SRGAP3: variants seen among roughly 807,000 people sequenced by gnomAD.
SRGAP3 encodes the protein SLIT-ROBO Rho GTPase activating protein 3.
A neutral mutation model predicts 121.1 loss-of-function variants in SRGAP3; 39 were observed. The observed-to-expected ratio is 0.32, with a 90% CI of 0.25 to 0.42. The LOEUF (loss-of-function observed/expected upper bound fraction) is 0.42, where lower values mean the gene tolerates loss of function less well. Ranked by LOEUF, SRGAP3 falls within the 10% of genes least tolerant of loss-of-function variation. The probability of loss-of-function intolerance (pLI) is 1.00; values close to 1 mark genes in which losing one functional copy is unlikely to be tolerated. For synonymous variants in SRGAP3, 601 were observed against 570.0 expected (o/e 1.05, Z -0.77); for missense variants, 1,213 against 1,470.6 (o/e 0.82, Z 2.86).
chr3:9,056,829 T>C (rs921156460), intron 7 of SRGAP3, among the ~76,000 whole-genome samples: 5 of 152,172 alleles, frequency 3.3e-5, no homozygotes, highest in South Asian at 2.1e-4. Flanking sequence ...CCCCCAGCAA[T>C]TGACTGGGCC....
In SRGAP3 at chr3:9,015,456, G is replaced by C. The variant is rs529635579; in HGVS notation, c.1813+141C>G. 4.0e-5 allele frequency: 44 copies of C among 1,102,580 alleles called. No individual in the cohort carries two copies. The African/African-American group carries it at 4.5e-4, about 11-fold the overall frequency. 68.3% of individuals were successfully genotyped at this position (1,102,580 alleles called of 1,614,324 possible). A position where few individuals can be genotyped will look rare whatever the true frequency, so the allele number is the denominator to read the frequency against. On this transcript the variant is annotated intron_variant, in intron 15 of 21. Coordinates refer to ENST00000383836, the MANE Select transcript of SRGAP3 (RefSeq NM_014850.4). ...CATTATAAACCATCTTGTTATTTCCGCTTTCAGTTCTACGAGGATGCACGT... is the reference window on the plus strand; with the variant it reads ...CATTATAAACCATCTTGTTATTTCCCCTTTCAGTTCTACGAGGATGCACGT...
rs572783158 is a variant in SRGAP3 at position 9,033,092 on chromosome 3, G to T, written c.1437-340C>A. 2.0e-5 allele frequency among the ~76,000 whole-genome samples: 3 copies of T among 152,320 alleles called. No homozygotes were observed. In the South Asian group the frequency reaches 6.2e-4, roughly 32 times the overall value. ...ACCAGATGGAGGGGGAATCAGGGGA[G>T]AGAGATGTAATCTGTAGCCCGAGAA... On this transcript the variant is annotated intron_variant, in intron 11 of 21. Transcript: ENST00000383836.
chr3:9,064,688 C>T (rs903521863), intron 4 of SRGAP3, 107 bp from the exon 5 acceptor site: 1 of 1,351,258 alleles, frequency 7.4e-7, no homozygotes, highest in Non-Finnish European at 1.0e-6. Context: ...TGGCCACTGC[C>T]CTGGTCCCAA....
chr3:9,356,041 C>T (rs2030481166), intron 1 of SRGAP3, among the ~76,000 whole-genome samples: 1 of 152,106 alleles, frequency 6.6e-6, no homozygotes, highest in Admixed American at 6.6e-5. Context: ...TTAAAGATCC[C>T]ACTTCTCAAC....
intron 1 of SRGAP3, among the ~76,000 whole-genome samples, chr3:9,233,097 A>G (rs975770717): frequency 6.6e-6 from 1 of 152,202 alleles, no homozygotes; most frequent in Non-Finnish European, 1.5e-5. Flanking sequence ...CGACATTTCT[A>G]GTGTTTAATT....
chr3:9,310,874 T>TA lies in SRGAP3; in HGVS notation n.442+15135dup, dbSNP rs199993390. 7.4e-3 allele frequency among the ~76,000 whole-genome samples: 1,122 copies of TA among 152,194 alleles called. 12 individuals carry two copies. Among genetic ancestry groups the TA allele is most frequent in the Middle Eastern group, 0.034 (10 of 294 alleles). On this transcript the variant is annotated intron_variant and non_coding_transcript_variant, in intron 3 of 3. Coordinates refer to the SRGAP3 transcript ENST00000490889. ...TACCTGCAATCTAAAGATTCCTGAA[T>TA]AATATATACAGTCGGCCAGGTGCTG... is the stretch of plus-strand genomic sequence containing the variant.
At chr3:9,080,974 C>T (rs1452024476) in intron 3 of SRGAP3, among the ~76,000 whole-genome samples, 1 of 152,104 alleles carries the variant, frequency 6.6e-6, no homozygotes, top group East Asian at 1.9e-4. Context: ...ATATAATGTG[C>T]TTCAATCATC....
rs148497710 is a variant in SRGAP3, at chr3:9,304,957, C to A, written n.442+21053G>T. Among the ~76,000 whole-genome samples the A allele has an allele frequency of 9.1e-4, 138 of 152,324 alleles. 1 individual carries two copies. Among genetic ancestry groups the A allele is most frequent in the Non-Finnish European group, 1.5e-3 (100 of 68,034 alleles). ...TGGCCTTCTGCTAAGCCTTTCTCAA[C>A]AATACCTCATTTAATCCTCACAACA... On this transcript the variant is annotated intron_variant and non_coding_transcript_variant, in intron 3 of 3. Transcript: ENST00000490889.
intron 1 of SRGAP3, among the ~76,000 whole-genome samples, chr3:9,158,550 T>A (rs527560718): frequency 2.0e-5 from 3 of 152,270 alleles, no homozygotes; most frequent in South Asian, 2.1e-4. Flanking sequence ...TCATTCATTA[T>A]CCCCATGTTC....
Position 9,158,067 on chromosome 3 carries a change from A to G in SRGAP3, c.68-33150T>C, listed in dbSNP as rs115245857. Among the ~76,000 whole-genome samples the G allele has an allele frequency of 1.0e-3, 159 of 152,324 alleles. 1 individual carries two copies. Among genetic ancestry groups the G allele is most frequent in the African/African-American group, 3.7e-3 (154 of 41,572 alleles). ...ACTGCCCCTGGCTGAGCCCACCAGG[A>G]CTGTCAGGACAACCCCAAGGCTGTG... On this transcript the variant is annotated intron_variant, in intron 1 of 21. Transcript: ENST00000383836.
intron 3 of SRGAP3, 93 bp from the exon 4 acceptor site, chr3:9,080,180 G>T: frequency 7.6e-7 from 1 of 1,323,920 alleles, no homozygotes; most frequent in East Asian, 2.3e-5. Context: ...GGAATGTTTC[G>T]GGTGGGGTCA....
intron 8 of SRGAP3, 52 bp from the exon 9 acceptor site, chr3:9,053,276 G>A (rs1320176433): frequency 3.2e-6 from 5 of 1,555,030 alleles, no homozygotes; most frequent in Admixed American, 1.8e-5. Context: ...TACTGCCGTT[G>A]ACACCTAAAG....
At position 9,109,399 on chromosome 3, in the gene SRGAP3, C is replaced by T. The variant is rs577058055; in HGVS notation, c.261-4557G>A. Among the ~76,000 whole-genome samples the T allele has an allele frequency of 1.4e-4, 21 of 152,258 alleles. No individual in the cohort carries two copies. The highest frequency in any genetic ancestry group is 2.6e-4 in the Non-Finnish European group (18 of 68,024). On this transcript the variant is annotated intron_variant, in intron 2 of 21. Transcript: ENST00000383836. This position sits in a 1 kb window ranked among gnomAD's most constrained non-coding sequence, Gnocchi z 4.4. ...AGAAGCTGCAAGCCAGGAGGCAGTG[C>T]GGTATAAGACAGAATTGCAGGAGGC...
intron 3 of SRGAP3, among the ~76,000 whole-genome samples, chr3:9,288,253 T>C (rs1954813180): frequency 6.7e-6 from 1 of 149,646 alleles, no homozygotes; most frequent in Admixed American, 6.7e-5. Flanking sequence ...TTATCCTGCC[T>C]CAGCCTCCCA....
chr3:9,215,509 A>G (rs1226945794), intron 1 of SRGAP3, among the ~76,000 whole-genome samples: 1 of 152,208 alleles, frequency 6.6e-6, no homozygotes, highest in Admixed American at 6.5e-5. Flanking sequence ...TTAGGTATCA[A>G]CTTGACTGGA....
chr3:9,313,989 T>C (rs1317282369), intron 3 of SRGAP3, among the ~76,000 whole-genome samples: 1 of 152,236 alleles, frequency 6.6e-6, no homozygotes, highest in East Asian at 1.9e-4. Context: ...TGAGACTCCG[T>C]CTAAAAAGAA....
At chr3:9,194,481 A>G (rs1444004045) in intron 1 of SRGAP3, 3 of 152,226 alleles carry the variant, frequency 2.0e-5, no homozygotes, top group Non-Finnish European at 2.9e-5. Flanking sequence ...CTGGAGATTA[A>G]GGAGGAAAGT....
At chr3:8,997,838 T>C (rs1407907168) in intron 18 of SRGAP3, among the ~76,000 whole-genome samples, 3 of 152,108 alleles carry the variant, frequency 2.0e-5, no homozygotes, top group East Asian at 1.9e-4. Context: ...AACATCAGTA[T>C]ACTTTATCTC....
chr3:9,345,601 T>G (rs1348819187), intron 1 of SRGAP3, among the ~76,000 whole-genome samples: 1 of 151,586 alleles, frequency 6.6e-6, no homozygotes, highest in South Asian at 2.1e-4. Context: ...ATAGCCAACA[T>G]GGTGAAACCC....
Sources: gnomAD v4.1 joint callset for allele counts (sites outside exome capture counted in the v4.1 genomes callset) on GRCh38, gnomAD v4.1.1 for gene constraint, Gnocchi (gnomAD v3.1) non-coding constraint, MANE v1.5 for transcripts, NCBI Gene and HGNC (gene_info 2026-07-23, HGNC 2026-07-21) for gene names.